SOST: variants seen among roughly 807,000 people sequenced by gnomAD.
SOST encodes sclerostin.
Under a neutral mutation model 16.7 loss-of-function variants are expected in SOST, and 14 were observed. The observed-to-expected ratio is 0.84, with a 90% CI of 0.55 to 1.31. The LOEUF is 1.31. Ranked by LOEUF, SOST falls within the 50% of genes most tolerant of loss-of-function variation. SOST has a pLI of 0.00. For missense variants in SOST, 291 were observed against 310.7 expected, an observed-to-expected ratio of 0.94 and a Z score of 0.48; for synonymous variants, 150 against 140.9, an observed-to-expected ratio of 1.06 and a Z score of -0.46.
At position 43,755,891 on chromosome 17, in the gene SOST, CTA is replaced by C. The variant is rs1279000143; in HGVS notation, c.221-130_221-129del. On this transcript the variant is annotated intron_variant, in intron 1 of 1. Transcript: ENST00000301691. This position sits in a 1 kb window ranked among gnomAD's most constrained non-coding sequence, Gnocchi z 4.3. The stretch of plus-strand genomic sequence containing the variant: ...TCCAGAGGCTTTTGCCCCTGAACAT[CTA>C]TTGCAGGAAGGTCCCAGATGCTCTA... 1 of 1,105,004 alleles carries C rather than the reference CTA, an allele frequency of 9.0e-7. No individual in the cohort carries two copies. The highest frequency in any genetic ancestry group is 1.3e-6 in the Non-Finnish European group (1 of 785,214). The allele number at this position is 1,105,004 out of a possible 1,614,324, so 68.4% of individuals were successfully genotyped here. A position where few individuals can be genotyped will look rare whatever the true frequency, so the allele number is the denominator to read the frequency against.
At position 43,758,610 on chromosome 17, in the gene SOST, G is replaced by T; in HGVS notation, c.132C>A (p.Pro44=). ...TGTTCTCCAGCTCCGGTGGAGGCTC[G>T]GGGTACTCTCCGAGCTCGGGGATGA... ...TEIIPELGEY[P]EPPPELENNK... is the part of the protein sequence containing the mutation. The change falls in exon 1 of 2, where the codon CCC becomes CCA. Residue 44 remains proline (P), a synonymous_variant. Coordinates refer to ENST00000301691, the MANE Select transcript of SOST (RefSeq NM_025237.3). 2 of 1,614,106 alleles carry T rather than the reference G, an allele frequency of 1.2e-6. No homozygotes were observed. Among genetic ancestry groups the T allele is most frequent in the Non-Finnish European group, 1.7e-6 (2 of 1,180,010 alleles).
intron 1 of SOST, 122 bp downstream of exon 1, chr17:43,758,400 C>T: frequency 1.3e-6 from 1 of 785,968 alleles, no homozygotes; most frequent in East Asian, 2.7e-5. Flanking sequence ...TGTTCCTCGA[C>T]CAGTGCTGGC....
At chr17:43,757,438 A>G (rs1262703467) in intron 1 of SOST, among the ~76,000 whole-genome samples, 1 of 152,088 alleles carries the variant, frequency 6.6e-6, no homozygotes, top group African/African-American at 2.4e-5. Context: ...TTAGCACCCC[A>G]TAGTCCCAAC....
At position 43,758,685 on chromosome 17, in the gene SOST, A is replaced by C; in HGVS notation, c.57T>G (p.Arg19=). Reference sequence around the variant, plus strand: ...CCTGCCACCCCTGGCCCTCCACTACACGGAAGGCTGTGTGTACCAGCAGGC... The same window carrying C: ...CCTGCCACCCCTGGCCCTCCACTACCCGGAAGGCTGTGTGTACCAGCAGGC... ...LVCLLVHTAF[R]VVEGQGWQAF... Residue 19 remains arginine (R), a synonymous_variant, in exon 1 of 2, where the codon CGT becomes CGG. Coordinates refer to ENST00000301691, the MANE Select transcript of SOST (RefSeq NM_025237.3). The C allele has an allele frequency of 6.2e-7, 1 of 1,613,868 alleles. No individual in the cohort carries two copies. Among genetic ancestry groups the C allele is most frequent in the South Asian group, 1.1e-5 (1 of 91,060 alleles).
chr17:43,755,459 G>A lies in SOST; in HGVS notation c.525C>T (p.Asn175=). The A allele has an allele frequency of 3.8e-6, 6 of 1,597,218 alleles. No homozygotes were observed. The highest frequency in any genetic ancestry group is 5.1e-6 in the Non-Finnish European group (6 of 1,178,782). ...TCCCGAAGTCCTTGAGCTCCGACTG[G>A]TTGTGGAAGCGGGTGAGGCGCTTGC... ...CKCKRLTRFH[N]QSELKDFGTE... Residue 175 remains asparagine (N), a synonymous_variant, in exon 2 of 2, where the codon AAC becomes AAT. Transcript: ENST00000301691. The surrounding 1 kb of genome is among the most constrained non-coding windows in gnomAD (Gnocchi z 4.3).
chr17:43,756,937 T>A (rs1025378075), intron 1 of SOST, among the ~76,000 whole-genome samples: 1 of 152,102 alleles, frequency 6.6e-6, no homozygotes, highest in Non-Finnish European at 1.5e-5. Flanking sequence ...ATAGTTCCAA[T>A]GTGACAAGAA....
chr17:43,758,182 C>T (rs552380815), intron 1 of SOST, among the ~76,000 whole-genome samples: 2 of 152,206 alleles, frequency 1.3e-5, no homozygotes, highest in African/African-American at 2.4e-5. Flanking sequence ...AGCAGCTGGA[C>T]GTGGCTCCTA....
At position 43,755,579 on chromosome 17, in the gene SOST, G is replaced by C; in HGVS notation, c.405C>G (p.Ile135Met). The C allele has an allele frequency of 6.3e-7, 1 of 1,593,804 alleles. No homozygotes were observed. Among genetic ancestry groups the C allele is most frequent in the Non-Finnish European group, 8.5e-7 (1 of 1,175,886 alleles). Residue 135 changes from isoleucine to methionine, a missense_variant, in exon 2 of 2, where the codon ATC (isoleucine) becomes ATG (methionine). Physicochemically the swap from Ile to Met is conservative, Grantham distance 10. Coordinates refer to ENST00000301691, the MANE Select transcript of SOST (RefSeq NM_025237.3). The surrounding 1 kb of genome is among the most constrained non-coding windows in gnomAD (Gnocchi z 4.3). ...CGCGCTGCGCGCGGTAGCGGTCGGGGATGCAGCGGAAGTCGGGCCCACTAG... is the reference window on the plus strand; with the variant it reads ...CGCGCTGCGCGCGGTAGCGGTCGGGCATGCAGCGGAAGTCGGGCCCACTAG... The part of the protein sequence containing the change: ...WRPSGPDFRC[I>M]PDRYRAQRVQ...
Position 43,755,793 on chromosome 17 carries a change from C to T in SOST, c.221-30G>A, listed in dbSNP as rs749923821. The T allele has an allele frequency of 2.6e-6, 4 of 1,553,528 alleles. No individual in the cohort carries two copies. Among genetic ancestry groups the T allele is most frequent in the South Asian group, 1.2e-5 (1 of 85,192 alleles). ...GGAGAGAGGCGCGCGTGAGGGTGGC[C>T]GCCCGCCTGGCCACCCCTGCCCTGG... On this transcript the variant is annotated intron_variant, in intron 1 of 1. Coordinates refer to ENST00000301691, the MANE Select transcript of SOST (RefSeq NM_025237.3). This position sits in a 1 kb window ranked among gnomAD's most constrained non-coding sequence, Gnocchi z 4.3.
At chr17:43,756,878 T>C (rs1347678692) in intron 1 of SOST, among the ~76,000 whole-genome samples, 2 of 152,188 alleles carry the variant, frequency 1.3e-5, no homozygotes, top group East Asian at 3.8e-4. Context: ...GCTTTTTAAA[T>C]AGCTGGTCGT....
At position 43,755,984 on chromosome 17, in the gene SOST, C is replaced by T. The variant is rs1307580624; in HGVS notation, c.221-221G>A. On this transcript the variant is annotated intron_variant, in intron 1 of 1. Transcript: ENST00000301691. This position sits in a 1 kb window ranked among gnomAD's most constrained non-coding sequence, Gnocchi z 4.3. ...AGCCAAATGACTGCTGGGGTTCAAA[C>T]ACCAGGGCTCCATCGCTCACTGCAG... 6.6e-6 allele frequency among the ~76,000 whole-genome samples: 1 copy of T among 152,256 alleles called. No individual in the cohort carries two copies. The highest frequency in any genetic ancestry group is 2.4e-5 in the African/African-American group (1 of 41,474).
Position 43,755,741 on chromosome 17 carries a change from G to A in SOST, c.243C>T (p.Arg81=). The A allele has an allele frequency of 6.3e-7, 1 of 1,580,542 alleles. No individual in the cohort carries two copies. Among genetic ancestry groups the A allele is most frequent in the Non-Finnish European group, 8.5e-7 (1 of 1,171,910 alleles). The change falls in exon 2 of 2, where the codon CGC becomes CGT. Residue 81 remains arginine, a synonymous_variant. Coordinates refer to ENST00000301691, the MANE Select transcript of SOST (RefSeq NM_025237.3). The surrounding 1 kb of genome is among the most constrained non-coding windows in gnomAD (Gnocchi z 4.3). ...ETKDVSEYSC[R]ELHFTRYVTD... is the part of the protein sequence containing the mutation. The stretch of plus-strand genomic sequence containing the variant: ...TCACGTAGCGGGTGAAGTGCAGCTC[G>A]CGGCAGCTGTACTCGGACACGTCTG...
chr17:43,755,800 C>T lies in SOST; in HGVS notation c.221-37G>A. The T allele has an allele frequency of 6.5e-7, 1 of 1,546,692 alleles. No homozygotes were observed. The highest frequency in any genetic ancestry group is 1.2e-5 in the South Asian group (1 of 84,662). On this transcript the variant is annotated intron_variant, in intron 1 of 1. Transcript: ENST00000301691. The surrounding 1 kb of genome is among the most constrained non-coding windows in gnomAD (Gnocchi z 4.3). ...GGCGCGCGTGAGGGTGGCCGCCCGCCTGGCCACCCCTGCCCTGGACCGGCC... is the reference window on the plus strand; with the variant it reads ...GGCGCGCGTGAGGGTGGCCGCCCGCTTGGCCACCCCTGCCCTGGACCGGCC...
Position 43,758,602 on chromosome 17 carries a change from G to A in SOST, c.140C>T (p.Pro47Leu). ...IPELGEYPEP[P>L]PELENNKTMN... is the part of the protein sequence containing the mutation. The stretch of plus-strand genomic sequence containing the variant: ...GGTCTTGTTGTTCTCCAGCTCCGGT[G>A]GAGGCTCGGGGTACTCTCCGAGCTC... Residue 47 changes from proline to leucine, a missense_variant, in exon 1 of 2, where the codon CCA becomes CTA. Transcript: ENST00000301691. 5 of 1,614,162 alleles carry A rather than the reference G, an allele frequency of 3.1e-6. No individual in the cohort carries two copies. The highest frequency in any genetic ancestry group is 3.4e-6 in the Non-Finnish European group (4 of 1,180,044).
Position 43,755,512 on chromosome 17 carries a change from T to TGC in SOST, c.470_471dup (p.Lys158AlafsTer92). On this transcript the variant is annotated frameshift_variant, in exon 2 of 2. Coordinates refer to ENST00000301691, the MANE Select transcript of SOST (RefSeq NM_025237.3). LOFTEE classifies it high-confidence loss of function. The surrounding 1 kb of genome is among the most constrained non-coding windows in gnomAD (Gnocchi z 4.3). ...TTGCACGAGGCCACCAGGCGCACCT[T>TGC]GCGCGCGCGCGGCGCCTCACCACCG... 6.3e-7 allele frequency: 1 copy of TGC among 1,596,328 alleles called. No homozygotes were observed. The highest frequency in any genetic ancestry group is 8.5e-7 in the Non-Finnish European group (1 of 1,177,922).
chr17:43,753,923 C>T lies in SOST; in HGVS notation c.*1419G>A, dbSNP rs573544796. On this transcript the variant is annotated 3_prime_UTR_variant, in exon 2 of 2. Transcript: ENST00000301691. The stretch of plus-strand genomic sequence containing the variant: ...TACTTTCATTCTTGTGGACAAGTCC[C>T]ACGTGGAAGAATTGCCAAAAAAACG... 4.7e-5 allele frequency: 7 copies of T among 150,038 alleles called. No homozygotes were observed. Among genetic ancestry groups the T allele is most frequent in the Non-Finnish European group, 1.0e-4 (7 of 68,030 alleles). 9.3% of individuals were successfully genotyped at this position (150,038 alleles called of 1,614,324 possible).
chr17:43,755,418 G>A lies in SOST; in HGVS notation c.566C>T (p.Pro189Leu), dbSNP rs1374561504. Reference protein sequence around the residue: ...LKDFGTEAARPQKGRKPRPRA... With the variant: ...LKDFGTEAARLQKGRKPRPRA... The stretch of plus-strand genomic sequence containing the variant: ...GGGCCGCGGCTTCCGGCCCTTCTGC[G>A]GCCGAGCGGCCTCGGTCCCGAAGTC... The change falls in exon 2 of 2, where the codon CCG becomes CTG. Residue 189 changes from proline (P) to leucine (L), a missense_variant. Physicochemically the swap from Pro to Leu is moderately conservative, Grantham distance 98 (BLOSUM62 -3). Transcript: ENST00000301691. The surrounding 1 kb of genome is among the most constrained non-coding windows in gnomAD (Gnocchi z 4.3). 3 of 1,593,066 alleles carry A rather than the reference G, an allele frequency of 1.9e-6. No homozygotes were observed. Among genetic ancestry groups the A allele is most frequent in the Non-Finnish European group, 2.5e-6 (3 of 1,177,626 alleles).
At chr17:43,757,238 C>T (rs1974140417) in intron 1 of SOST, among the ~76,000 whole-genome samples, 1 of 152,234 alleles carries the variant, frequency 6.6e-6, no homozygotes, top group Admixed American at 6.5e-5. Context: ...CATGTGGCTT[C>T]CTCAGGGGCT....
chr17:43,758,269 C>T (rs963751631), intron 1 of SOST, among the ~76,000 whole-genome samples: 1 of 152,112 alleles, frequency 6.6e-6, no homozygotes, highest in Non-Finnish European at 1.5e-5. Flanking sequence ...GATGCCATAC[C>T]CTCACCACCC....
Sources: allele counts gnomAD v4.1 joint callset (sites outside exome capture counted in the v4.1 genomes callset), GRCh38; gene constraint gnomAD v4.1.1; non-coding constraint Gnocchi (gnomAD v3.1); transcripts MANE v1.5; gene names NCBI Gene and HGNC (gene_info 2026-07-23, HGNC 2026-07-21).